Variants in VOPP1 observed in about 807,000 individuals in gnomAD.
The protein encoded by VOPP1 is VOPP1 WW domain binding protein.
In VOPP1, 8 loss-of-function variants were observed where a neutral mutation model predicts 23.5. The observed-to-expected ratio is 0.34, with a 90% confidence interval of 0.20 to 0.61. VOPP1 has a LOEUF of 0.61. VOPP1 is among the 20% of genes least tolerant of loss of function. The probability of loss-of-function intolerance (pLI) is 0.78; values close to 1 mark genes in which losing one functional copy is unlikely to be tolerated. For synonymous variants in VOPP1, 83 were observed against 97.3 expected (o/e 0.85, Z 0.86); for missense variants, 174 against 238.1 (o/e 0.73, Z 1.77).
chr7:55,553,024 T>C (rs1797674687), intron 1 of VOPP1, among the ~76,000 whole-genome samples: 1 of 152,252 alleles, frequency 6.6e-6, no homozygotes, highest in African/African-American at 2.4e-5. Flanking sequence ...GCTTTTTGTC[T>C]GAGTTTCAGT....
chr7:55,571,424 A>T (rs1441108929), intron 1 of VOPP1, among the ~76,000 whole-genome samples: 1 of 152,254 alleles, frequency 6.6e-6, no homozygotes, highest in Non-Finnish European at 1.5e-5. Flanking sequence ...CATTAATTTA[A>T]CGCAAATTTC....
downstream of VOPP1, among the ~76,000 whole-genome samples, chr7:55,468,929 A>C (rs1028064634): frequency 3.3e-5 from 5 of 152,212 alleles, no homozygotes; most frequent in Non-Finnish European, 7.3e-5. Context: ...ACTAATTTTT[A>C]CCTTATTCTG....
intron 4 of VOPP1, among the ~76,000 whole-genome samples, chr7:55,474,497 G>A (rs893372266): frequency 6.6e-6 from 1 of 152,226 alleles, no homozygotes; most frequent in African/African-American, 2.4e-5. Flanking sequence ...GACTGGCCTG[G>A]GATTGACTCG....
rs1797724278 is a variant in VOPP1 at position 55,554,197 on chromosome 7, A to AGGTT, written c.54+18070_54+18073dup. Among the ~76,000 whole-genome samples, 3 of 152,214 alleles carry AGGTT rather than the reference A, an allele frequency of 2.0e-5. No homozygotes were observed. The South Asian group carries it at 6.2e-4, about 32-fold the overall frequency. ...GGCTGGTCAATCCTAAAATGAAACA[A>AGGTT]GGTTACACATGTGTGATGCCTGCTG... On this transcript the variant is annotated intron_variant, in intron 1 of 4. Transcript: ENST00000285279.
intron 1 of VOPP1, among the ~76,000 whole-genome samples, chr7:55,548,183 CT>C (rs1361318039): frequency 1.3e-5 from 2 of 152,240 alleles, no homozygotes. Context: ...ATGTTGTATT[CT>C]ACTCCATTAT....
At chr7:55,449,600 C>G (rs1243531607) in intron 4 of VOPP1, among the ~76,000 whole-genome samples, 2 of 152,238 alleles carry the variant, frequency 1.3e-5, no homozygotes, top group African/African-American at 2.4e-5. Context: ...CTGAAGGCAG[C>G]TGAAGGTTGG....
intron 1 of VOPP1, among the ~76,000 whole-genome samples, chr7:55,536,579 A>T (rs1404007090): frequency 6.6e-6 from 1 of 152,192 alleles, no homozygotes; most frequent in Non-Finnish European, 1.5e-5. Context: ...TAGAGAACTT[A>T]GGAGCACAAT....
chr7:55,485,139 T>C (rs1409813640), intron 4 of VOPP1, among the ~76,000 whole-genome samples: 1 of 152,136 alleles, frequency 6.6e-6, no homozygotes, highest in African/African-American at 2.4e-5. Context: ...AGATCAAAGG[T>C]AATTAATAAC....
chr7:55,470,093 T>C (rs576281611), downstream of VOPP1, among the ~76,000 whole-genome samples: 1 of 152,232 alleles, frequency 6.6e-6, no homozygotes, highest in African/African-American at 2.4e-5. Flanking sequence ...TTGCAAACAT[T>C]ATGTCAATTA....
chr7:55,528,617 C>T (rs1297111759), intron 1 of VOPP1, among the ~76,000 whole-genome samples: 3 of 151,558 alleles, frequency 2.0e-5, no homozygotes, highest in Non-Finnish European at 2.9e-5. Context: ...ACCCGGGAGG[C>T]GGAGGTTGCA....
intron 3 of VOPP1, 44 bp downstream of exon 3, chr7:55,497,569 G>GCC: frequency 8.8e-7 from 1 of 1,132,522 alleles, no homozygotes; most frequent in Non-Finnish European, 1.3e-6. Context: ...GGGGGGGGGG[G>GCC]GCAGAGCTCT....
chr7:55,524,429 C>T (rs556254808), intron 1 of VOPP1, among the ~76,000 whole-genome samples: 1 of 152,300 alleles, frequency 6.6e-6, no homozygotes, highest in Middle Eastern at 3.4e-3. Context: ...TTGAAATTTG[C>T]TAATATCCTG....
chr7:55,567,205 C>T (rs771942322), intron 1 of VOPP1, among the ~76,000 whole-genome samples: 4 of 152,198 alleles, frequency 2.6e-5, no homozygotes, highest in African/African-American at 9.7e-5. Context: ...TCCATCGAGT[C>T]CCTGCTCTGT....
chr7:55,531,350 A>ATTTT (rs11372931), intron 1 of VOPP1, among the ~76,000 whole-genome samples: 2 of 141,038 alleles, frequency 1.4e-5, no homozygotes, highest in Admixed American at 7.1e-5. Context: ...CTAATCCAGA[A>ATTTT]TTTTTTTTTT....
intron 1 of VOPP1, 99 bp downstream of exon 1, chr7:55,572,172 C>T: frequency 9.9e-7 from 1 of 1,007,942 alleles, no homozygotes; most frequent in Non-Finnish European, 1.4e-6. Flanking sequence ...CGTCTGCGCT[C>T]CCAGGCAAGG....
At chr7:55,534,544 GCTCTGCAATTTCCCCAATTCTGA>G (rs1796672892) in intron 1 of VOPP1, among the ~76,000 whole-genome samples, 2 of 152,170 alleles carry the variant, frequency 1.3e-5, no homozygotes, top group African/African-American at 4.8e-5. Flanking sequence ...TTTTGAGCTC[GCTCTGCAATTTCCCCAATTCTGA>G]CTCAATTCTC....
intron 4 of VOPP1, among the ~76,000 whole-genome samples, chr7:55,482,142 C>A (rs1381511405): frequency 6.6e-6 from 1 of 151,838 alleles, no homozygotes; most frequent in Non-Finnish European, 1.5e-5. Flanking sequence ...TTTTCATATG[C>A]ATATATTAGT....
At chr7:55,568,486 C>T (rs776615173) in intron 1 of VOPP1, among the ~76,000 whole-genome samples, 8 of 152,148 alleles carry the variant, frequency 5.3e-5, no homozygotes, top group Non-Finnish European at 1.2e-4. Flanking sequence ...TGGGAAAGAT[C>T]AGAAAGATAA....
intron 2 of VOPP1, among the ~76,000 whole-genome samples, chr7:55,499,748 G>T (rs1334967435): frequency 6.6e-6 from 1 of 152,170 alleles, no homozygotes; most frequent in African/African-American, 2.4e-5. Flanking sequence ...TCAGTGCTCG[G>T]GACGGGGGAA....
Sources: gnomAD v4.1 joint callset for allele counts (sites outside exome capture counted in the v4.1 genomes callset) on GRCh38, gnomAD v4.1.1 for gene constraint, MANE v1.5 for transcripts, NCBI Gene and HGNC (gene_info 2026-07-23, HGNC 2026-07-21) for gene names.